The following LAPTM4B variants were observed in gnomAD, a reference collection of about 807,000 sequenced individuals.
LAPTM4B encodes lysosomal-associated transmembrane protein 4B.
A neutral mutation model predicts 28.5 loss-of-function variants in LAPTM4B; 26 were observed. That is an observed-to-expected ratio of 0.91 (90% confidence interval 0.67 to 1.27). The LOEUF (loss-of-function observed/expected upper bound fraction) is 1.27. Among genes scored for constraint, LAPTM4B ranks in the 50% most tolerant of loss-of-function variants. LAPTM4B has a pLI of 0.00. For missense variants in LAPTM4B, 288 were observed against 285.8 expected (o/e 1.01, Z -0.06); for synonymous variants, 109 against 106.4 (o/e 1.02, Z -0.15).
intron 4 of LAPTM4B, among the ~76,000 whole-genome samples, chr8:97,818,284 C>A (rs148536066): frequency 6.6e-6 from 1 of 152,194 alleles, no homozygotes. Context: ...CCATGTTCTT[C>A]CTCAACATTG....
At chr8:97,837,154 A>C (rs1817273832) in intron 6 of LAPTM4B, among the ~76,000 whole-genome samples, 1 of 151,904 alleles carries the variant, frequency 6.6e-6, no homozygotes, top group Non-Finnish European at 1.5e-5. Flanking sequence ...AATGACTTTC[A>C]AAAATTGTGC....
chr8:97,809,729 C>G (rs543562284), intron 2 of LAPTM4B, among the ~76,000 whole-genome samples: 5 of 152,106 alleles, frequency 3.3e-5, no homozygotes, highest in Non-Finnish European at 7.4e-5. Context: ...ATTAATATAG[C>G]AATTTTATCT....
At chr8:97,788,361 GC>G in intron 1 of LAPTM4B, 1 of 318,820 alleles carries the variant, frequency 3.1e-6, no homozygotes. Context: ...AGAAGACATG[GC>G]AAGAAGCGGA....
At chr8:97,785,710 A>G (rs946139683) in intron 1 of LAPTM4B, among the ~76,000 whole-genome samples, 7 of 152,342 alleles carry the variant, frequency 4.6e-5, no homozygotes, top group Admixed American at 3.9e-4. Context: ...CAGAAACAAC[A>G]TTGGTTCGTG....
At chr8:97,823,498 C>T (rs1446890109) in intron 5 of LAPTM4B, among the ~76,000 whole-genome samples, 4 of 151,768 alleles carry the variant, frequency 2.6e-5, no homozygotes, top group Admixed American at 1.3e-4. Flanking sequence ...CCTCAGCCTC[C>T]CACATAGCTG....
chr8:97,847,703 A>G (rs915588127), intron 6 of LAPTM4B, among the ~76,000 whole-genome samples: 1 of 152,200 alleles, frequency 6.6e-6, no homozygotes, highest in Non-Finnish European at 1.5e-5. Context: ...CAACCCTTCT[A>G]ATAATATCAG....
chr8:97,819,080 C>A, intron 4 of LAPTM4B, 60 bp from the exon 5 acceptor site: 1 of 1,009,506 alleles, frequency 9.9e-7, no homozygotes, highest in Non-Finnish European at 1.5e-6. Flanking sequence ...AATTGGTGCC[C>A]AAGGAATACT....
At position 97,782,349 on chromosome 8, in the gene LAPTM4B, TGCAGCCTTGTCTTCCCTGGCTCAA is replaced by T. The variant is rs774704239; in HGVS notation, c.99+6251_99+6274del. Among the ~76,000 whole-genome samples the T allele has an allele frequency of 7.1e-5, 6 of 84,462 alleles. No individual in the cohort carries two copies. The South Asian group carries it at 1.4e-3, about 20-fold the overall frequency. The allele number at this position is 84,462 out of a possible 152,430, so 55.4% of individuals were successfully genotyped here. On this transcript the variant is annotated intron_variant, in intron 1 of 6. Coordinates refer to ENST00000521545, the MANE Select transcript of LAPTM4B (RefSeq NM_018407.6). The stretch of plus-strand genomic sequence containing the variant: ...TATTGCCCAGGCTGGAGTGGCTCAA[TGCAGCCTTGTCTTCCCTGGCTCAA>T]GCAGCCTTGCCATTTCAGCCTCCCA...
chr8:97,834,465 A>G (rs1306357392), intron 6 of LAPTM4B, among the ~76,000 whole-genome samples: 2 of 152,224 alleles, frequency 1.3e-5, no homozygotes, highest in Non-Finnish European at 1.5e-5. Flanking sequence ...AATAGTTAAT[A>G]TAATTAATGC....
At chr8:97,811,791 C>G (rs537767724) in intron 2 of LAPTM4B, among the ~76,000 whole-genome samples, 1 of 152,026 alleles carries the variant, frequency 6.6e-6, no homozygotes, top group Non-Finnish European at 1.5e-5. Context: ...CATCCTGGCC[C>G]TTTATTTTCT....
At chr8:97,847,119 T>C (rs1399741109) in intron 6 of LAPTM4B, among the ~76,000 whole-genome samples, 1 of 152,206 alleles carries the variant, frequency 6.6e-6, no homozygotes, top group Non-Finnish European at 1.5e-5. Context: ...AGACATTATA[T>C]ATAGATAGAG....
At chr8:97,834,113 T>A (rs1817224135) in intron 6 of LAPTM4B, among the ~76,000 whole-genome samples, 1 of 131,060 alleles carries the variant, frequency 7.6e-6, no homozygotes. Flanking sequence ...GAGACCAGTC[T>A]GGTCAACATA....
chr8:97,836,276 G>A (rs1268167841), intron 6 of LAPTM4B, among the ~76,000 whole-genome samples: 1 of 152,128 alleles, frequency 6.6e-6, no homozygotes, highest in Admixed American at 6.5e-5. Flanking sequence ...CACCCCCTGG[G>A]TTCAAGGGAT....
rs79943366 is a variant in LAPTM4B, at chr8:97,815,016, G to A, written c.212-312G>A. Among the ~76,000 whole-genome samples, 935 of 152,128 alleles carry A rather than the reference G, an allele frequency of 6.1e-3. 7 individuals are homozygous for A. Among genetic ancestry groups the A allele is most frequent in the African/African-American group, 0.021 (881 of 41,522 alleles). ...CGGAGTTTTTATTTTAAATAAGATC[G>A]GAAGCTATGAAGGCTTTCATTAGAG... On this transcript the variant is annotated intron_variant, in intron 2 of 6. Transcript: ENST00000521545.
chr8:97,779,044 A>G (rs1008109519), intron 1 of LAPTM4B, among the ~76,000 whole-genome samples: 1 of 152,162 alleles, frequency 6.6e-6, no homozygotes, highest in Non-Finnish European at 1.5e-5. Context: ...AATGGAGTCA[A>G]TTATCAGAAA....
intron 1 of LAPTM4B, among the ~76,000 whole-genome samples, chr8:97,798,220 C>G (rs900975322): frequency 2.0e-5 from 3 of 152,100 alleles, no homozygotes; most frequent in African/African-American, 7.2e-5. Flanking sequence ...CATGTTTGAC[C>G]TTTTCTATCT....
intron 1 of LAPTM4B, among the ~76,000 whole-genome samples, chr8:97,790,316 T>A (rs573680161): frequency 1.4e-5 from 2 of 138,744 alleles, no homozygotes; most frequent in Admixed American, 1.4e-4. Flanking sequence ...GGTTGTATAA[T>A]TTTTTTTTTT....
At chr8:97,843,256 G>A (rs1419412389) in intron 6 of LAPTM4B, among the ~76,000 whole-genome samples, 3 of 151,948 alleles carry the variant, frequency 2.0e-5, no homozygotes, top group Admixed American at 6.6e-5. Context: ...GTGAAACCCC[G>A]TCTCTACTAA....
intron 1 of LAPTM4B, among the ~76,000 whole-genome samples, chr8:97,796,731 G>C (rs1816590543): frequency 6.6e-6 from 1 of 152,130 alleles, no homozygotes; most frequent in Non-Finnish European, 1.5e-5. Context: ...CCTGAGGTCA[G>C]GAGTTCGAGA....
Sources: allele counts gnomAD v4.1 joint callset (sites outside exome capture counted in the v4.1 genomes callset), GRCh38; gene constraint gnomAD v4.1.1; transcripts MANE v1.5; gene names NCBI Gene and HGNC (gene_info 2026-07-23, HGNC 2026-07-21).